The following TRMT9B variants were observed in gnomAD, a reference collection of about 807,000 sequenced individuals.
The protein encoded by TRMT9B is tRNA methyltransferase 9B (putative), also known as probable tRNA methyltransferase 9B.
TRMT9B carries 16 observed loss-of-function variants against 11.5 expected under a neutral mutation model. The observed-to-expected ratio is 1.39, with a 90% CI of 0.94 to 2.11. The LOEUF (loss-of-function observed/expected upper bound fraction) is 2.11, where lower values mean the gene tolerates loss of function less well. TRMT9B is among the 30% of genes most tolerant of loss of function. The pLI is 0.00. For missense variants in TRMT9B, 941 were observed against 553.8 expected, an observed-to-expected ratio of 1.70 and a Z score of -7.02; for synonymous variants, 274 against 192.4, an observed-to-expected ratio of 1.42 and a Z score of -3.51.
intron 3 of TRMT9B, chr8:13,006,734 T>C: frequency 7.8e-6 from 8 of 1,022,880 alleles, no homozygotes; most frequent in Non-Finnish European, 1.0e-5. Context: ...AGTGGTGCAA[T>C]CTCAGCTTGC....
chr8:12,966,248 C>A (rs918185165), intron 1 of TRMT9B, among the ~76,000 whole-genome samples: 1 of 152,002 alleles, frequency 6.6e-6, no homozygotes, highest in African/African-American at 2.4e-5. Flanking sequence ...ACTCCAGCCT[C>A]GGTGACAGAG....
intron 1 of TRMT9B, among the ~76,000 whole-genome samples, chr8:12,962,872 A>G (rs1484581550): frequency 6.6e-6 from 1 of 152,156 alleles, no homozygotes; most frequent in Admixed American, 6.5e-5. Flanking sequence ...AAATCCTACC[A>G]CTGGCACAGC....
chr8:12,961,734 T>C (rs1445235679), intron 1 of TRMT9B: 1 of 149,852 alleles, frequency 6.7e-6, no homozygotes, highest in African/African-American at 2.5e-5. Flanking sequence ...AAGAAAACGT[T>C]ACCTTCAGGG....
intron 1 of TRMT9B, among the ~76,000 whole-genome samples, chr8:12,989,618 G>A (rs7013393): frequency 0.025 from 3,855 of 152,272 alleles, 60 homozygotes; most frequent in Middle Eastern, 0.054. Context: ...AGGCACAAAT[G>A]CCTGAAGGAA....
intron 1 of TRMT9B, among the ~76,000 whole-genome samples, chr8:12,977,102 G>A (rs1804573146): frequency 6.6e-6 from 1 of 152,214 alleles, no homozygotes; most frequent in African/African-American, 2.4e-5. Flanking sequence ...CAGATTAAAT[G>A]TCTACTCTAT....
At chr8:13,017,181 C>T (rs1339429868) in intron 4 of TRMT9B, among the ~76,000 whole-genome samples, 1 of 152,080 alleles carries the variant, frequency 6.6e-6, no homozygotes, top group African/African-American at 2.4e-5. Flanking sequence ...TAAAAAAAAT[C>T]TGCTTTATGC....
intron 3 of TRMT9B, 134 bp from the exon 4 acceptor site, chr8:13,012,550 G>T: frequency 8.5e-7 from 1 of 1,178,190 alleles, no homozygotes; most frequent in East Asian, 2.9e-5. Flanking sequence ...ACTCCAGCCT[G>T]GGTGACTGAG....
At chr8:13,013,588 TTTTG>T (rs1362779469) in intron 4 of TRMT9B, among the ~76,000 whole-genome samples, 2 of 152,240 alleles carry the variant, frequency 1.3e-5, no homozygotes, top group Non-Finnish European at 2.9e-5. Context: ...ACAAGGTTTT[TTTTG>T]TTTGTTTGTT....
intron 2 of TRMT9B, among the ~76,000 whole-genome samples, chr8:12,995,673 G>A (rs1046341186): frequency 9.9e-5 from 15 of 151,990 alleles, no homozygotes; most frequent in African/African-American, 2.2e-4. Context: ...TGTTGTTTTT[G>A]TTTTGGGTTT....
At chr8:13,011,359 T>C in intron 3 of TRMT9B, 12 of 985,346 alleles carry the variant, frequency 1.2e-5, no homozygotes, top group Non-Finnish European at 1.4e-5. Flanking sequence ...TTGCTTTTAC[T>C]GTATCATAAT....
At chr8:12,950,383 T>C (rs1175432553) in intron 1 of TRMT9B, among the ~76,000 whole-genome samples, 1 of 152,200 alleles carries the variant, frequency 6.6e-6, no homozygotes, top group African/African-American at 2.4e-5. Flanking sequence ...AATGCACTGT[T>C]AGAAGAGGAC....
intron 1 of TRMT9B, among the ~76,000 whole-genome samples, 184 bp downstream of exon 1, chr8:12,946,150 C>A (rs1321371818): frequency 1.3e-5 from 2 of 152,082 alleles, no homozygotes; most frequent in Non-Finnish European, 2.9e-5. Context: ...ATACTTTATA[C>A]AAAGGTTAGT....
intron 1 of TRMT9B, among the ~76,000 whole-genome samples, chr8:12,977,422 G>C (rs1053351513): frequency 8.5e-5 from 13 of 152,170 alleles, no homozygotes; most frequent in African/African-American, 2.9e-4. Context: ...AATATTCTTG[G>C]CCGGGCGTGG....
intron 1 of TRMT9B, among the ~76,000 whole-genome samples, chr8:12,984,499 G>A (rs950913839): frequency 3.9e-5 from 6 of 152,248 alleles, no homozygotes; most frequent in African/African-American, 1.4e-4. Flanking sequence ...TCAGTAAAAT[G>A]ACTTTGGGAT....
At chr8:13,004,302 G>T (rs371960374) in intron 2 of TRMT9B, among the ~76,000 whole-genome samples, 1 of 152,056 alleles carries the variant, frequency 6.6e-6, no homozygotes, top group African/African-American at 2.4e-5. Flanking sequence ...ACCAGGTGGG[G>T]AGGAGGGAAC....
chr8:12,963,696 C>T (rs1802443519), intron 1 of TRMT9B, among the ~76,000 whole-genome samples: 1 of 152,170 alleles, frequency 6.6e-6, no homozygotes, highest in Non-Finnish European at 1.5e-5. Flanking sequence ...CTATGATGAG[C>T]CGTGATTGCA....
chr8:13,021,501 A>T lies in TRMT9B; in HGVS notation c.822A>T (p.Thr274=). The change falls in exon 5 of 5, where the codon ACA becomes ACT. Residue 274 remains threonine (T), a synonymous_variant. Coordinates refer to ENST00000524591, the MANE Select transcript of TRMT9B (RefSeq NM_020844.3). ...AAAGAGTAAGACCCTTGAAAAACAC[A>T]GAAGTTTGGGCCAGTAGCACTGTAA... ...QIERVRPLKN[T]EVWASSTVTV... 1 of 1,613,660 alleles carries T rather than the reference A, an allele frequency of 6.2e-7. No homozygotes were observed. The highest frequency in any genetic ancestry group is 8.5e-7 in the Non-Finnish European group (1 of 1,179,600).
At position 13,021,752 on chromosome 8, in the gene TRMT9B, A is replaced by G. The variant is rs756988161; in HGVS notation, c.1073A>G (p.Asn358Ser). 6.2e-7 allele frequency: 1 copy of G among 1,613,882 alleles called. No individual in the cohort carries two copies. Among genetic ancestry groups the G allele is most frequent in the Admixed American group, 1.7e-5 (1 of 59,998 alleles). Reference protein sequence around the residue: ...NFLDSTNTGVNCVDAGNIEDD... With the variant: ...NFLDSTNTGVSCVDAGNIEDD... ...CTGGATAGCACTAATACTGGTGTGA[A>G]TTGTGTGGATGCAGGCAACATAGAA... Residue 358 changes from asparagine (N) to serine (S), a missense_variant, in exon 5 of 5, where the codon AAT becomes AGT. By Grantham distance (46) the Asn-to-Ser change is conservative (BLOSUM62 1). Transcript: ENST00000524591.
chr8:12,982,455 A>G (rs548385896), intron 1 of TRMT9B, among the ~76,000 whole-genome samples: 58 of 152,318 alleles, frequency 3.8e-4, no homozygotes, highest in Admixed American at 1.1e-3. Context: ...TGAGGTCAGG[A>G]GTTCAAGACA....
Sources: gnomAD v4.1 joint callset for allele counts (sites outside exome capture counted in the v4.1 genomes callset) on GRCh38, gnomAD v4.1.1 for gene constraint, MANE v1.5 for transcripts, NCBI Gene and HGNC (gene_info 2026-07-23, HGNC 2026-07-21) for gene names.